TJP2: variants seen among roughly 807,000 people sequenced by gnomAD.
TJP2 encodes Friedreich ataxia region gene X104 (tight junction protein ZO-2).
A neutral mutation model predicts 133.1 loss-of-function variants in TJP2; 91 were observed. That is an observed-to-expected ratio of 0.68 (90% CI 0.58 to 0.81). TJP2 has a LOEUF of 0.81. Ranked by LOEUF, TJP2 falls within the 40% of genes least tolerant of loss-of-function variation. The pLI is 0.00. For synonymous variants in TJP2, 592 were observed against 583.4 expected (o/e 1.01, Z -0.21); for missense variants, 1,541 against 1,565.6 (o/e 0.98, Z 0.26).
At chr9:69,129,711 C>T (rs1277086871) in intron 1 of TJP2, among the ~76,000 whole-genome samples, 1 of 151,884 alleles carries the variant, frequency 6.6e-6, no homozygotes, top group Non-Finnish European at 1.5e-5. Flanking sequence ...CCGAGGCGTG[C>T]GGATCACTTG....
At chr9:69,150,301 T>C (rs1823408646) in intron 1 of TJP2, among the ~76,000 whole-genome samples, 1 of 151,004 alleles carries the variant, frequency 6.6e-6, no homozygotes, top group Non-Finnish European at 1.5e-5. Flanking sequence ...TCTTTTCTTT[T>C]TTTTTTTTTG....
chr9:69,209,323 A>G (rs1268709709), intron 1 of TJP2, among the ~76,000 whole-genome samples: 6 of 152,046 alleles, frequency 3.9e-5, no homozygotes, highest in African/African-American at 7.2e-5. Context: ...TGGTAGAGAT[A>G]GGGTTTCACC....
chr9:69,154,193 C>G (rs897712729), intron 2 of TJP2, among the ~76,000 whole-genome samples: 1 of 152,228 alleles, frequency 6.6e-6, no homozygotes, highest in Non-Finnish European at 1.5e-5. Context: ...GAAGACTTAA[C>G]TCCTTAACTC....
At chr9:69,187,338 A>G (rs1825923387) in intron 1 of TJP2, among the ~76,000 whole-genome samples, 1 of 152,178 alleles carries the variant, frequency 6.6e-6, no homozygotes, top group Admixed American at 6.5e-5. Context: ...AACTGTCCTG[A>G]AAAAACAGCT....
Position 69,229,116 on chromosome 9 carries a change from A to G in TJP2, c.1454-68A>G. ...ACTTACATTTTTTGTGGATTTTGTGATTTTTCTATTTAGAAACGCACTCTT... is the reference window on the plus strand; with the variant it reads ...ACTTACATTTTTTGTGGATTTTGTGGTTTTTCTATTTAGAAACGCACTCTT... On this transcript the variant is annotated intron_variant, in intron 9 of 22. Coordinates refer to ENST00000377245, the MANE Select transcript of TJP2 (RefSeq NM_004817.4). 5.5e-6 allele frequency: 8 copies of G among 1,463,464 alleles called. No homozygotes were observed. The South Asian group carries it at 9.1e-5, about 17-fold the overall frequency. 90.7% of individuals were successfully genotyped at this position (1,463,464 alleles called of 1,614,324 possible).
chr9:69,184,644 G>A (rs1825727057), intron 1 of TJP2, among the ~76,000 whole-genome samples: 1 of 152,168 alleles, frequency 6.6e-6, no homozygotes, highest in Admixed American at 6.5e-5. Context: ...GATGCCACCT[G>A]GGGTTGCTTT....
chr9:69,217,328 C>A (rs1459648433), intron 3 of TJP2, among the ~76,000 whole-genome samples: 1 of 152,232 alleles, frequency 6.6e-6, no homozygotes, highest in East Asian at 1.9e-4. Context: ...CTGATTCCCA[C>A]AGGATAACTT....
intron 2 of TJP2, among the ~76,000 whole-genome samples, chr9:69,215,390 G>GTTTTT (rs547985228): frequency 6.7e-6 from 1 of 149,484 alleles, no homozygotes; most frequent in African/African-American, 2.5e-5. Flanking sequence ...GAAAGTTGTG[G>GTTTTT]TTTTTTTTTT....
chr9:69,158,270 G>A (rs992032694), intron 2 of TJP2, among the ~76,000 whole-genome samples: 2 of 137,810 alleles, frequency 1.5e-5, no homozygotes, highest in East Asian at 4.9e-4. Flanking sequence ...GGAGGTTGCA[G>A]TGAGCCTAGA....
chr9:69,226,285 A>AC (rs1829343974), intron 7 of TJP2, 110 bp downstream of exon 7: 10 of 1,229,284 alleles, frequency 8.1e-6, no homozygotes, highest in Non-Finnish European at 8.1e-6. Context: ...CTAAGGAAAG[A>AC]CCCCTTGAAA....
chr9:69,141,121 G>T (rs1446314268), intron 1 of TJP2, among the ~76,000 whole-genome samples: 1 of 152,240 alleles, frequency 6.6e-6, no homozygotes, highest in African/African-American at 2.4e-5. Flanking sequence ...AAAGTGCTGG[G>T]ATTACAGGCG....
chr9:69,209,536 C>G (rs1275936508), intron 1 of TJP2, among the ~76,000 whole-genome samples: 1 of 151,384 alleles, frequency 6.6e-6, no homozygotes, highest in Non-Finnish European at 1.5e-5. Context: ...GGCGGATCAT[C>G]TAAGGTTGGG....
At chr9:69,187,354 A>G (rs1423980291) in intron 1 of TJP2, among the ~76,000 whole-genome samples, 6 of 152,200 alleles carry the variant, frequency 3.9e-5, no homozygotes, top group Admixed American at 1.3e-4. Context: ...CAGCTGTAAC[A>G]TACCACTCCA....
chr9:69,188,390 T>A (rs534061064), intron 1 of TJP2, among the ~76,000 whole-genome samples: 1 of 152,078 alleles, frequency 6.6e-6, no homozygotes, highest in Non-Finnish European at 1.5e-5. Context: ...GTCACACGGC[T>A]TGTGTGACAG....
At chr9:69,159,062 T>G (rs1823921978) in intron 2 of TJP2, among the ~76,000 whole-genome samples, 1 of 151,912 alleles carries the variant, frequency 6.6e-6, no homozygotes, top group Non-Finnish European at 1.5e-5. Context: ...CCCAGCACTT[T>G]GGGAGGCTGA....
chr9:69,145,663 A>G (rs1823182439), intron 1 of TJP2: 2 of 1,176,052 alleles, frequency 1.7e-6, no homozygotes, highest in African/African-American at 3.2e-5. Context: ...TCAGGTGAAC[A>G]GTGACTGAAA....
At chr9:69,193,165 C>G (rs923944540) in intron 1 of TJP2, among the ~76,000 whole-genome samples, 3 of 152,136 alleles carry the variant, frequency 2.0e-5, no homozygotes, top group African/African-American at 7.2e-5. Flanking sequence ...ATTCACCCAC[C>G]TTGGCCTCCC....
intron 2 of TJP2, among the ~76,000 whole-genome samples, chr9:69,155,176 GC>G (rs573729560): frequency 9.9e-4 from 138 of 139,974 alleles, no homozygotes; most frequent in African/African-American, 2.8e-3. Flanking sequence ...CCGAGATCGT[GC>G]CACTTCACTC....
At chr9:69,174,593 T>TTA (rs1221459168) in intron 1 of TJP2, among the ~76,000 whole-genome samples, 161 bp downstream of exon 1, 1 of 152,118 alleles carries the variant, frequency 6.6e-6, no homozygotes. Flanking sequence ...GAGGGGTAGG[T>TTA]TTCACCGTCC....
Sources: allele counts gnomAD v4.1 joint callset (sites outside exome capture counted in the v4.1 genomes callset), GRCh38; gene constraint gnomAD v4.1.1; transcripts MANE v1.5; gene names NCBI Gene and HGNC (gene_info 2026-07-23, HGNC 2026-07-21).